Variants in DPP6 observed in about 807,000 individuals in gnomAD.
DPP6 encodes A-type potassium channel modulatory protein DPP6.
DPP6 carries 69 observed loss-of-function variants against 122.6 expected under a neutral mutation model. The observed-to-expected ratio is 0.56, with a 90% CI of 0.46 to 0.69. The LOEUF is 0.69. DPP6 is among the 30% of genes least tolerant of loss of function. The pLI is 0.00. For missense variants in DPP6, 928 were observed against 1,116.9 expected, an observed-to-expected ratio of 0.83 and a Z score of 2.41; for synonymous variants, 418 against 433.1, an observed-to-expected ratio of 0.97 and a Z score of 0.43.
rs1161768130 is a variant in DPP6 at position 154,481,344 on chromosome 7, GGGGTGTGTGTGTGTGTGTGT to G, written c.457+6309_457+6328del. 9.7e-5 allele frequency among the ~76,000 whole-genome samples: 3 copies of G among 30,804 alleles called. No individual in the cohort carries two copies. The highest frequency in any genetic ancestry group is 3.8e-4 in the Non-Finnish European group (3 of 7,804). 20.2% of individuals were successfully genotyped at this position (30,804 alleles called of 152,430 possible). ...CTATACACTTGGAGAGAGAGAGAGA[GGGGTGTGTGTGTGTGTGTGT>G]GTGTGTGTGTCTGTGTGTGTGTGCA... On this transcript the variant is annotated intron_variant, in intron 3 of 25. Transcript: ENST00000377770. The surrounding 1 kb of genome is among the most constrained non-coding windows in gnomAD (Gnocchi z 4.2).
chr7:153,819,077 CTTT>C, the DPP6 span, among the ~76,000 whole-genome samples: 106 of 99,868 alleles, frequency 1.1e-3, 1 homozygote, highest in African/African-American at 4.4e-3. Context: ...CTTTTCTTTT[CTTT>C]TTTTTTTTTT....
rs1799277682 is a variant in DPP6 at position 154,814,309 on chromosome 7, A to G, written c.1666+7197A>G. 2.0e-5 allele frequency among the ~76,000 whole-genome samples: 3 copies of G among 152,196 alleles called. No individual in the cohort carries two copies. In the South Asian group the frequency reaches 6.2e-4, roughly 32 times the overall value. Reference sequence around the variant, plus strand: ...CCCTAAACTCAATATCATTTTTCACATTTCCATGCTTTTGTCTTTGACTAC... The same window carrying G: ...CCCTAAACTCAATATCATTTTTCACGTTTCCATGCTTTTGTCTTTGACTAC... On this transcript the variant is annotated intron_variant, in intron 16 of 25. Coordinates refer to ENST00000377770, the MANE Select transcript of DPP6 (RefSeq NM_130797.4).
chr7:154,477,548 T>C (rs1300982812), intron 3 of DPP6, among the ~76,000 whole-genome samples: 1 of 150,224 alleles, frequency 6.7e-6, no homozygotes, highest in Non-Finnish European at 1.5e-5. Context: ...AAAAAGTATA[T>C]GTAGAGATGT....
chr7:154,681,593 A>G lies in DPP6; in HGVS notation c.762+12152A>G, dbSNP rs114205964. On this transcript the variant is annotated intron_variant, in intron 7 of 25. Transcript: ENST00000377770. ...GGAGGCTTTTCCGGTCGCCTCGGGT[A>G]GGGCGGGGGAGGGCTGTACTCGGTG... Among the ~76,000 whole-genome samples the G allele has an allele frequency of 5.6e-3, 845 of 152,226 alleles. 8 individuals carry two copies. The highest frequency in any genetic ancestry group is 0.019 in the African/African-American group (801 of 41,556).
chr7:154,677,650 C>A (rs546000160), intron 7 of DPP6, among the ~76,000 whole-genome samples: 1 of 152,314 alleles, frequency 6.6e-6, no homozygotes, highest in Non-Finnish European at 1.5e-5. Flanking sequence ...GGCGTCTGCA[C>A]GGGGAGGAGC....
chr7:154,416,645 TG>T (rs1449149002), intron 1 of DPP6, among the ~76,000 whole-genome samples: 2 of 119,786 alleles, frequency 1.7e-5, no homozygotes, highest in African/African-American at 5.6e-5. Flanking sequence ...AGGCATCCAC[TG>T]GGGGCATCCC....
At chr7:154,070,420 T>C (rs1803035903) in intron 1 of DPP6, among the ~76,000 whole-genome samples, 1 of 152,206 alleles carries the variant, frequency 6.6e-6, no homozygotes, top group Non-Finnish European at 1.5e-5. Context: ...GTGATGCATC[T>C]ATTATTTTAT....
chr7:154,574,716 TG>T (rs1218051174), intron 5 of DPP6, among the ~76,000 whole-genome samples: 11 of 144,024 alleles, frequency 7.6e-5, no homozygotes, highest in Non-Finnish European at 1.7e-4. Context: ...TGTGTATGTG[TG>T]TGTGGGGTGT....
chr7:154,396,280 A>G (rs899081058), intron 1 of DPP6, among the ~76,000 whole-genome samples: 4 of 152,190 alleles, frequency 2.6e-5, no homozygotes, highest in Non-Finnish European at 5.9e-5. Flanking sequence ...GGGCTGAGAG[A>G]TGTTCAGTAA....
intron 1 of DPP6, among the ~76,000 whole-genome samples, chr7:154,273,739 C>T (rs972418487): frequency 4.6e-5 from 7 of 152,120 alleles, no homozygotes; most frequent in South Asian, 2.1e-4. Flanking sequence ...GGGTTTATTC[C>T]TTAGAATGAG....
At chr7:153,998,753 G>A (rs888620477) in intron 1 of DPP6, among the ~76,000 whole-genome samples, 8 of 152,202 alleles carry the variant, frequency 5.3e-5, no homozygotes, top group Admixed American at 2.6e-4. Context: ...GTAACAGATG[G>A]TGTTTATAGA....
intron 1 of DPP6, among the ~76,000 whole-genome samples, chr7:153,938,889 C>T (rs144320380): frequency 2.0e-3 from 302 of 152,298 alleles, no homozygotes; most frequent in East Asian, 5.6e-3. Flanking sequence ...TGGTTACACA[C>T]GCTCATTTTG....
the DPP6 span, among the ~76,000 whole-genome samples, chr7:153,762,923 C>A: frequency 3.3e-5 from 5 of 152,172 alleles, no homozygotes; most frequent in Non-Finnish European, 5.9e-5. Flanking sequence ...TTGAGCCATG[C>A]CAATCAAATC....
At chr7:154,344,929 G>T (rs761061618) in intron 1 of DPP6, among the ~76,000 whole-genome samples, 1 of 152,172 alleles carries the variant, frequency 6.6e-6, no homozygotes, top group Non-Finnish European at 1.5e-5. Flanking sequence ...AAGTGCTGTT[G>T]TGGGGATTAA....
chr7:154,311,465 C>G (rs973889277), intron 1 of DPP6, among the ~76,000 whole-genome samples: 2 of 150,908 alleles, frequency 1.3e-5, no homozygotes, highest in Non-Finnish European at 2.9e-5. Context: ...CCGCTGAACT[C>G]TAGCCTGGGC....
At chr7:154,521,812 G>A (rs2129976588) in intron 3 of DPP6, among the ~76,000 whole-genome samples, 1 of 152,182 alleles carries the variant, frequency 6.6e-6, no homozygotes, top group South Asian at 2.1e-4. Flanking sequence ...ATCCACACAC[G>A]CTTACCCATT....
intron 1 of DPP6, among the ~76,000 whole-genome samples, chr7:154,007,771 C>T (rs1475582697): frequency 6.6e-6 from 1 of 152,102 alleles, no homozygotes; most frequent in Admixed American, 6.5e-5. Flanking sequence ...TTGGTGTCCA[C>T]AGGGGGTTCT....
At chr7:154,213,248 G>C (rs559793955) in intron 1 of DPP6, among the ~76,000 whole-genome samples, 9 of 152,318 alleles carry the variant, frequency 5.9e-5, no homozygotes, top group Non-Finnish European at 1.2e-4. Flanking sequence ...AGGGCCAGGG[G>C]AAGAGAGTTT....
intron 1 of DPP6, among the ~76,000 whole-genome samples, chr7:154,127,744 A>G (rs973963531): frequency 6.6e-6 from 1 of 152,166 alleles, no homozygotes; most frequent in Admixed American, 6.5e-5. Context: ...AGCGTTGGCC[A>G]GACTGTGATC....
Sources: allele counts gnomAD v4.1 joint callset (sites outside exome capture counted in the v4.1 genomes callset), GRCh38; gene constraint gnomAD v4.1.1; non-coding constraint Gnocchi (gnomAD v3.1); transcripts MANE v1.5; gene names NCBI Gene and HGNC (gene_info 2026-07-23, HGNC 2026-07-21).